C10orf90: variants seen among roughly 807,000 people sequenced by gnomAD.
The protein encoded by C10orf90 is chromosome 10 open reading frame 90, also known as (E2-independent) E3 ubiquitin-conjugating enzyme FATS.
In C10orf90, 56 loss-of-function variants were observed where a neutral mutation model predicts 62.5. The observed-to-expected ratio is 0.90, with a 90% CI of 0.72 to 1.12. The LOEUF is 1.12. Among genes scored for constraint, C10orf90 ranks in the 50% most tolerant of loss-of-function variants. The probability of loss-of-function intolerance (pLI) is 0.00; values close to 1 mark genes in which losing one functional copy is unlikely to be tolerated. For synonymous variants in C10orf90, 386 were observed against 340.4 expected (o/e 1.13, Z -1.47); for missense variants, 970 against 880.4 (o/e 1.10, Z -1.29).
intron 3 of C10orf90, among the ~76,000 whole-genome samples, chr10:126,505,700 A>G (rs1162931043): frequency 1.3e-5 from 2 of 152,178 alleles, no homozygotes; most frequent in Non-Finnish European, 2.9e-5. Flanking sequence ...CACACTTGTA[A>G]TCCCAGCACT....
intron 1 of C10orf90, among the ~76,000 whole-genome samples, chr10:126,647,521 A>G (rs2133853085): frequency 6.6e-6 from 1 of 152,344 alleles, no homozygotes; most frequent in South Asian, 2.1e-4. Context: ...TCTGTAGTCA[A>G]GCACTTCTTC....
chr10:126,502,776 A>C (rs1401054816), intron 4 of C10orf90: 2 of 519,726 alleles, frequency 3.8e-6, no homozygotes, highest in Non-Finnish European at 7.8e-6. Flanking sequence ...TTAACCACTA[A>C]AGTGGGATTT....
chr10:126,435,048 A>C (rs762636634), intron 7 of C10orf90, among the ~76,000 whole-genome samples: 2 of 152,224 alleles, frequency 1.3e-5, no homozygotes, highest in African/African-American at 2.4e-5. Flanking sequence ...TCCTGTTTCT[A>C]AAATCACTTC....
chr10:126,505,939 T>C (rs996336414), intron 3 of C10orf90, among the ~76,000 whole-genome samples: 1 of 152,130 alleles, frequency 6.6e-6, no homozygotes, highest in African/African-American at 2.4e-5. Context: ...AGGCACCAAG[T>C]GTGAAACTTC....
chr10:126,503,811 A>T, intron 4 of C10orf90, 146 bp downstream of exon 4: 1 of 966,328 alleles, frequency 1.0e-6, no homozygotes, highest in Non-Finnish European at 1.5e-6. Context: ...CCGAGCTATC[A>T]GTTGTCAACT....
chr10:126,470,386 C>T (rs1399059089), intron 4 of C10orf90, among the ~76,000 whole-genome samples: 1 of 152,136 alleles, frequency 6.6e-6, no homozygotes, highest in Non-Finnish European at 1.5e-5. Flanking sequence ...CCTCCAATTA[C>T]AATATGTGGA....
chr10:126,640,670 A>G (rs982006024), intron 2 of C10orf90, among the ~76,000 whole-genome samples: 6 of 152,226 alleles, frequency 3.9e-5, no homozygotes, highest in African/African-American at 1.4e-4. Context: ...GTCAAAAGAA[A>G]GAGTTTTATC....
chr10:126,513,063 G>A (rs557432087), intron 3 of C10orf90, among the ~76,000 whole-genome samples: 13 of 152,208 alleles, frequency 8.5e-5, no homozygotes, highest in East Asian at 1.9e-4. Flanking sequence ...AAAATTTGGC[G>A]GCAGAATCTC....
In C10orf90 at chr10:126,568,817, C is replaced by A. The variant is rs370102986; in HGVS notation, c.314-54878G>T. On this transcript the variant is annotated intron_variant, in intron 2 of 9. Transcript: ENST00000488181. ...CCAGTGTAACTGGAGAGGAGTTCAC[C>A]TGAGAAGGCAGGAGGATCTCCAGGA... Among the ~76,000 whole-genome samples the A allele has an allele frequency of 1.3e-3, 199 of 152,242 alleles. 5 individuals are homozygous for A. The South Asian group carries it at 0.04, about 31-fold the overall frequency.
chr10:126,455,959 G>A (rs1413188411), intron 7 of C10orf90, among the ~76,000 whole-genome samples: 1 of 152,192 alleles, frequency 6.6e-6, no homozygotes, highest in East Asian at 1.9e-4. Context: ...GCTCCCACTT[G>A]AACCTTTCAG....
intron 2 of C10orf90, among the ~76,000 whole-genome samples, chr10:126,561,630 G>C (rs1405267775): frequency 2.0e-5 from 3 of 152,126 alleles, no homozygotes; most frequent in Non-Finnish European, 4.4e-5. Flanking sequence ...AATGAGGTTT[G>C]GATGTGACTG....
intron 2 of C10orf90, among the ~76,000 whole-genome samples, chr10:126,528,758 C>T (rs1591072017): frequency 6.6e-6 from 1 of 152,162 alleles, no homozygotes; most frequent in Admixed American, 6.5e-5. Flanking sequence ...GAGGACATTC[C>T]CACAGCCTGC....
At chr10:126,512,608 G>T (rs1297143549) in intron 3 of C10orf90, among the ~76,000 whole-genome samples, 1 of 152,124 alleles carries the variant, frequency 6.6e-6, no homozygotes, top group Non-Finnish European at 1.5e-5. Flanking sequence ...GAGCTCAGCA[G>T]AATCGCCCCC....
intron 2 of C10orf90, among the ~76,000 whole-genome samples, chr10:126,559,953 T>A (rs1401339073): frequency 6.6e-6 from 1 of 152,150 alleles, no homozygotes; most frequent in African/African-American, 2.4e-5. Flanking sequence ...ATAAATAATG[T>A]GAAATTAGAC....
intron 2 of C10orf90, among the ~76,000 whole-genome samples, chr10:126,579,506 G>T (rs1416539671): frequency 6.6e-6 from 1 of 152,080 alleles, no homozygotes; most frequent in Non-Finnish European, 1.5e-5. Context: ...CTCCCAAAGT[G>T]CTGGGCTTAA....
At chr10:126,452,778 GCCTTTT>G (rs1347845477) in intron 7 of C10orf90, among the ~76,000 whole-genome samples, 3 of 152,192 alleles carry the variant, frequency 2.0e-5, no homozygotes, top group African/African-American at 7.2e-5. Context: ...TGGGGAAACA[GCCTTTT>G]CAGTAATTCA....
rs1025643 is a variant in C10orf90 at position 126,604,584 on chromosome 10, G to A, written c.313+41981C>T. Among the ~76,000 whole-genome samples, 604 of 152,198 alleles carry A rather than the reference G, an allele frequency of 4.0e-3. 19 individuals carry two copies. In the East Asian group the frequency reaches 0.077, roughly 19 times the overall value. ...TGTGGACGTGGTCTCTTCCCCTCTC[G>A]CCAGACCCCCAGCAAAGTTAATTTG... On this transcript the variant is annotated intron_variant, in intron 2 of 9. Transcript: ENST00000488181.
intron 1 of C10orf90, among the ~76,000 whole-genome samples, chr10:126,668,547 G>C (rs750461306): frequency 1.3e-5 from 2 of 152,214 alleles, no homozygotes; most frequent in Non-Finnish European, 2.9e-5. Context: ...TAATGGATGA[G>C]GAATATTTTA....
chr10:126,666,047 G>C lies in C10orf90; in HGVS notation c.240+4194C>G, dbSNP rs1248470659. On this transcript the variant is annotated intron_variant, in intron 1 of 9. Transcript: ENST00000488181. ...AGACATCAGGTAGAGTCCTCAGAAG[G>C]GTCATGTTGTAACACTGGGACTAAA... Among the ~76,000 whole-genome samples, 3 of 152,138 alleles carry C rather than the reference G, an allele frequency of 2.0e-5. No homozygotes were observed. The East Asian group carries it at 5.8e-4, about 29-fold the overall frequency.
Sources: allele counts gnomAD v4.1 joint callset (sites outside exome capture counted in the v4.1 genomes callset), GRCh38; gene constraint gnomAD v4.1.1; transcripts MANE v1.5; gene names NCBI Gene and HGNC (gene_info 2026-07-23, HGNC 2026-07-21).